GRIN1: variants seen among roughly 807,000 people sequenced by gnomAD.
GRIN1 encodes the protein glutamate ionotropic receptor NMDA type subunit 1.
A neutral mutation model predicts 103.0 loss-of-function variants in GRIN1; 38 were observed. The ratio of observed to expected loss-of-function variants is 0.37; its 90% CI spans 0.28 to 0.48. The LOEUF is 0.48. GRIN1 is among the 20% of genes least tolerant of loss of function. The pLI is 0.98. For missense variants in GRIN1, 577 were observed against 1,288.9 expected (o/e 0.45, Z 8.46); for synonymous variants, 544 against 532.7 (o/e 1.02, Z -0.29).
At chr9:137,151,205 C>T (rs1188763077) in intron 4 of GRIN1, among the ~76,000 whole-genome samples, 1 of 142,758 alleles carries the variant, frequency 7.0e-6, no homozygotes, top group Non-Finnish European at 1.5e-5. Flanking sequence ...AAAAGTCCCG[C>T]CCAGAAAAAA....
At chr9:137,154,118 T>C (rs1404792852) in intron 4 of GRIN1, among the ~76,000 whole-genome samples, 15 of 148,622 alleles carry the variant, frequency 1.0e-4, no homozygotes, top group Admixed American at 1.0e-3. Context: ...GCCTTTTTTT[T>C]TTTCTTTTTT....
rs769614768 is a variant in GRIN1 at position 137,139,912 on chromosome 9, G to A, written c.258+168G>A. On this transcript the variant is annotated intron_variant, in intron 1 of 19. Transcript: ENST00000371561. This position sits in a 1 kb window ranked among gnomAD's most constrained non-coding sequence, Gnocchi z 7.7. ...TCGTCTCACTAGGAACCAAACACCA[G>A]GGTCTGCTGGCTCCCCTATCTTGGC... is the stretch of plus-strand genomic sequence containing the variant. Among the ~76,000 whole-genome samples, 2 of 152,208 alleles carry A rather than the reference G, an allele frequency of 1.3e-5. No individual in the cohort carries two copies. The highest frequency in any genetic ancestry group is 2.9e-5 in the Non-Finnish European group (2 of 68,044).
In GRIN1 at chr9:137,167,805, T is replaced by C. The variant is rs1200805229; in HGVS notation, c.*278T>C. 6.2e-7 allele frequency: 1 copy of C among 1,612,206 alleles called. No individual in the cohort carries two copies. Among genetic ancestry groups the C allele is most frequent in the Non-Finnish European group, 8.5e-7 (1 of 1,179,618 alleles). Reference sequence around the variant, plus strand: ...CATCCCACTGATATCACGGGCCCGCTCAACCTCTCAGATCCCTCGGTCAGC... The same window carrying C: ...CATCCCACTGATATCACGGGCCCGCCCAACCTCTCAGATCCCTCGGTCAGC... On this transcript the variant is annotated 3_prime_UTR_variant, in exon 20 of 20. Transcript: ENST00000371561.
In GRIN1 at chr9:137,143,353, C is replaced by T. The variant is rs151195450; in HGVS notation, c.393+1206C>T. 4.8e-3 allele frequency among the ~76,000 whole-genome samples: 732 copies of T among 152,374 alleles called. 6 individuals carry two copies. Among genetic ancestry groups the T allele is most frequent in the African/African-American group, 0.014 (597 of 41,588 alleles). On this transcript the variant is annotated intron_variant, in intron 2 of 19. Coordinates refer to ENST00000371561, the MANE Select transcript of GRIN1 (RefSeq NM_007327.4). Reference sequence around the variant, plus strand: ...AGGCTCTGAAAGCCCTGGCGTGCCCCCTCGGCACCCAAACTGCTCCTCCCA... The same window carrying T: ...AGGCTCTGAAAGCCCTGGCGTGCCCTCTCGGCACCCAAACTGCTCCTCCCA...
chr9:137,152,038 C>T (rs1431669052), intron 4 of GRIN1, among the ~76,000 whole-genome samples: 1 of 151,818 alleles, frequency 6.6e-6, no homozygotes, highest in Non-Finnish European at 1.5e-5. Flanking sequence ...TCCCAAGTAG[C>T]TGGGACTACA....
rs749575070 is a variant in GRIN1, at chr9:137,163,380, T to C, written c.2333+50T>C. 24 of 1,596,712 alleles carry C rather than the reference T, an allele frequency of 1.5e-5. No individual in the cohort carries two copies. The East Asian group carries it at 5.4e-4, about 36-fold the overall frequency. ...CTCCTCCGCCCCTCTCCGCCAGAGGTGGACGCCCTCCCCAGTGCCAGACCA... is the reference window on the plus strand; with the variant it reads ...CTCCTCCGCCCCTCTCCGCCAGAGGCGGACGCCCTCCCCAGTGCCAGACCA... On this transcript the variant is annotated intron_variant, in intron 16 of 19. Coordinates refer to ENST00000371561, the MANE Select transcript of GRIN1 (RefSeq NM_007327.4).
chr9:137,144,462 G>A (rs1295659890), intron 2 of GRIN1, among the ~76,000 whole-genome samples: 3 of 151,912 alleles, frequency 2.0e-5, no homozygotes, highest in East Asian at 3.9e-4. Flanking sequence ...AGACCATCCT[G>A]GCTAATACGG....
At chr9:137,166,608 C>T (rs1254905037) in intron 19 of GRIN1, among the ~76,000 whole-genome samples, 4 of 152,382 alleles carry the variant, frequency 2.6e-5, no homozygotes, top group Middle Eastern at 3.4e-3. Context: ...CACCAGGGTG[C>T]CCCAAGAGGG....
At position 137,168,737 on chromosome 9, in the gene GRIN1, G is replaced by T; in HGVS notation, c.*1210G>T. Reference sequence around the variant, plus strand: ...ACCTCCCGGTGTATGCAGTGGTGATGCCTAAAGGAATGTCACGCAGTTTTC... The same window carrying T: ...ACCTCCCGGTGTATGCAGTGGTGATTCCTAAAGGAATGTCACGCAGTTTTC... On this transcript the variant is annotated 3_prime_UTR_variant, in exon 20 of 20. Coordinates refer to ENST00000371561, the MANE Select transcript of GRIN1 (RefSeq NM_007327.4). 1 of 750,658 alleles carries T rather than the reference G, an allele frequency of 1.3e-6. No homozygotes were observed. The highest frequency in any genetic ancestry group is 1.8e-6 in the Non-Finnish European group (1 of 558,982). The allele number at this position is 750,658 out of a possible 1,614,324, so 46.5% of individuals were successfully genotyped here. A position where few individuals can be genotyped will look rare whatever the true frequency, so the allele number is the denominator to read the frequency against.
At chr9:137,148,728 G>A (rs1031977718) in intron 3 of GRIN1, among the ~76,000 whole-genome samples, 4 of 152,234 alleles carry the variant, frequency 2.6e-5, no homozygotes, top group Admixed American at 6.5e-5. Context: ...GTGCAAAGAT[G>A]AGGACAGGAG....
At position 137,162,308 on chromosome 9, in the gene GRIN1, C is replaced by G; in HGVS notation, c.1751+18C>G. 1.9e-6 allele frequency: 3 copies of G among 1,546,508 alleles called. No homozygotes were observed. The highest frequency in any genetic ancestry group is 2.6e-6 in the Non-Finnish European group (3 of 1,148,148). ...CGCTTCAGGTGAGCGCGACCCGGGGCTCAGACACCTCCATCTGCGGGGCGC... is the reference window on the plus strand; with the variant it reads ...CGCTTCAGGTGAGCGCGACCCGGGGGTCAGACACCTCCATCTGCGGGGCGC... On this transcript the variant is annotated intron_variant, in intron 12 of 19. Transcript: ENST00000371561.
intron 8 of GRIN1, among the ~76,000 whole-genome samples, chr9:137,159,082 C>T (rs1833390179): frequency 6.6e-6 from 1 of 152,310 alleles, no homozygotes; most frequent in African/African-American, 2.4e-5. Context: ...ATCCCTCCTC[C>T]AGCCTGCATT....
rs1588727276 is a variant in GRIN1 at position 137,161,195 on chromosome 9, GC to G, written c.1339del (p.Arg448AlafsTer23). On this transcript the variant is annotated frameshift_variant and splice_region_variant, in exon 9 of 20. Coordinates refer to ENST00000371561, the MANE Select transcript of GRIN1 (RefSeq NM_007327.4). LOFTEE classifies it high-confidence loss of function. ...GGGCCCAACGACACGTCGCCGGGCA[GC>G]CGTGAGTGCGCGGGGCAGGGCGCGG... ...CTGPNDTSPG[S>X]PRHTVPQCCY... The G allele has an allele frequency of 6.2e-7, 1 of 1,609,752 alleles. No individual in the cohort carries two copies. Among genetic ancestry groups the G allele is most frequent in the Non-Finnish European group, 8.5e-7 (1 of 1,178,468 alleles).
intron 19 of GRIN1, among the ~76,000 whole-genome samples, chr9:137,165,962 C>T (rs772589236): frequency 6.6e-6 from 1 of 152,210 alleles, no homozygotes; most frequent in Non-Finnish European, 1.5e-5. Context: ...TGGCCCCGGC[C>T]ACAGGGGACT....
In GRIN1 at chr9:137,167,609, G is replaced by A. The variant is rs1466627071; in HGVS notation, c.*82G>A. 6.6e-6 allele frequency: 10 copies of A among 1,522,370 alleles called. No homozygotes were observed. In the African/African-American group the frequency reaches 1.2e-4, roughly 19 times the overall value. The allele number at this position is 1,522,370 out of a possible 1,614,324, so 94.3% of individuals were successfully genotyped here. ...GGGACAGCGGCCCGGCCCACGCAGAGCCCCGGAGCACCACGGGGTCGGGGG... is the reference window on the plus strand; with the variant it reads ...GGGACAGCGGCCCGGCCCACGCAGAACCCCGGAGCACCACGGGGTCGGGGG... On this transcript the variant is annotated 3_prime_UTR_variant, in exon 20 of 20. Transcript: ENST00000371561.
rs1286319087 is a variant in GRIN1 at position 137,139,387 on chromosome 9, G to A, written c.-100G>A. ...GGGGGAGACGTGGCGTCCGCAGCCC[G>A]CGGGGCCGGGCGAGCGCAGGACGGC... On this transcript the variant is annotated 5_prime_UTR_variant, in exon 1 of 20. Coordinates refer to ENST00000371561, the MANE Select transcript of GRIN1 (RefSeq NM_007327.4). This position sits in a 1 kb window ranked among gnomAD's most constrained non-coding sequence, Gnocchi z 7.7. 2.6e-6 allele frequency: 2 copies of A among 770,658 alleles called. No individual in the cohort carries two copies. The highest frequency in any genetic ancestry group is 1.7e-6 in the Non-Finnish European group (1 of 581,922). 47.7% of individuals were successfully genotyped at this position (770,658 alleles called of 1,614,324 possible).
In GRIN1 at chr9:137,139,645, C is replaced by T. The variant is rs147818786; in HGVS notation, c.159C>T (p.His53=). Residue 53 remains histidine, a synonymous_variant, in exon 1 of 20, where the codon CAC becomes CAT. Coordinates refer to ENST00000371561, the MANE Select transcript of GRIN1 (RefSeq NM_007327.4). This position sits in a 1 kb window ranked among gnomAD's most constrained non-coding sequence, Gnocchi z 7.7. The part of the protein sequence containing the change: ...REAVNQANKR[H]GSWKIQLNAT... Reference sequence around the variant, plus strand: ...CCGTGAACCAGGCCAACAAGCGGCACGGCTCCTGGAAGATTCAGCTCAATG... The same window carrying T: ...CCGTGAACCAGGCCAACAAGCGGCATGGCTCCTGGAAGATTCAGCTCAATG... 5.9e-5 allele frequency: 96 copies of T among 1,613,708 alleles called. No individual in the cohort carries two copies. The highest frequency in any genetic ancestry group is 8.3e-5 in the Admixed American group (5 of 60,008).
In GRIN1 at chr9:137,156,980, C is replaced by G. The variant is rs775990220; in HGVS notation, c.911C>G (p.Pro304Arg). 6.2e-7 allele frequency: 1 copy of G among 1,612,288 alleles called. No homozygotes were observed. The highest frequency in any genetic ancestry group is 8.5e-7 in the Non-Finnish European group (1 of 1,179,846). The change falls in exon 6 of 20, where the codon CCG becomes CGG. Residue 304 changes from proline to arginine, a missense_variant. Transcript: ENST00000371561. Reference sequence around the variant, plus strand: ...CTCGAGAAGGAGAACATCACCGACCCGCCGCGGGGCTGCGTGGGCAACACC... The same window carrying G: ...CTCGAGAAGGAGAACATCACCGACCGGCCGCGGGGCTGCGTGGGCAACACC... ...ELLEKENITD[P>R]PRGCVGNTNI...
At position 137,146,233 on chromosome 9, in the gene GRIN1, C is replaced by T. The variant is rs575491884; in HGVS notation, c.570+331C>T. 3.3e-5 allele frequency among the ~76,000 whole-genome samples: 5 copies of T among 152,174 alleles called. No homozygotes were observed. In the South Asian group the frequency reaches 8.3e-4, roughly 25 times the overall value. On this transcript the variant is annotated intron_variant, in intron 3 of 19. Coordinates refer to ENST00000371561, the MANE Select transcript of GRIN1 (RefSeq NM_007327.4). The surrounding 1 kb of genome is among the most constrained non-coding windows in gnomAD (Gnocchi z 6.7). ...GGAGGCCCCAGCCGGGCTTGGGACT[C>T]GTCACCCTTCCCGCCCACCCTGTCC...
Sources: allele counts gnomAD v4.1 joint callset (sites outside exome capture counted in the v4.1 genomes callset), GRCh38; gene constraint gnomAD v4.1.1; non-coding constraint Gnocchi (gnomAD v3.1); transcripts MANE v1.5; gene names NCBI Gene and HGNC (gene_info 2026-07-23, HGNC 2026-07-21).